The following FAM114A2 variants were observed in gnomAD, a reference collection of about 807,000 sequenced individuals.
The protein encoded by FAM114A2 is protein FAM114A2.
A neutral mutation model predicts 58.4 loss-of-function variants in FAM114A2; 53 were observed. The observed-to-expected ratio is 0.91, with a 90% CI of 0.73 to 1.14. The LOEUF (loss-of-function observed/expected upper bound fraction) is 1.14. FAM114A2 is among the 50% of genes most tolerant of loss of function. FAM114A2 has a pLI of 0.00. For missense variants in FAM114A2, 601 were observed against 581.1 expected (o/e 1.03, Z -0.35); for synonymous variants, 228 against 211.4 (o/e 1.08, Z -0.68).
intron 9 of FAM114A2, among the ~76,000 whole-genome samples, chr5:154,010,721 A>G (rs1202191493): frequency 6.6e-6 from 1 of 152,176 alleles, no homozygotes; most frequent in African/African-American, 2.4e-5. Flanking sequence ...TCCACATTCC[A>G]AATATAAGAA....
chr5:154,013,197 T>G (rs1022200022), intron 8 of FAM114A2, among the ~76,000 whole-genome samples: 4 of 152,100 alleles, frequency 2.6e-5, no homozygotes, highest in African/African-American at 9.7e-5. Flanking sequence ...TGCATTAGAA[T>G]AAAAATGTGT....
intron 8 of FAM114A2, among the ~76,000 whole-genome samples, chr5:154,023,069 AGGT>A (rs1434311015): frequency 6.6e-6 from 1 of 152,044 alleles, no homozygotes; most frequent in Non-Finnish European, 1.5e-5. Flanking sequence ...TCTCACCCAT[AGGT>A]GGGAACTGAA....
At chr5:154,028,517 G>T (rs1465883027) in intron 5 of FAM114A2, among the ~76,000 whole-genome samples, 3 of 152,084 alleles carry the variant, frequency 2.0e-5, no homozygotes, top group East Asian at 1.9e-4. Context: ...TCCACTCATG[G>T]TTACATCCTA....
At chr5:154,035,627 T>C (rs1197736753) in intron 1 of FAM114A2, among the ~76,000 whole-genome samples, 2 of 152,216 alleles carry the variant, frequency 1.3e-5, no homozygotes, top group African/African-American at 2.4e-5. Context: ...GGGACTATTA[T>C]AAATAAAACA....
At position 153,994,930 on chromosome 5, in the gene FAM114A2, C is replaced by T. The variant is rs770489571; in HGVS notation, c.1372G>A (p.Val458Ile). The T allele has an allele frequency of 1.9e-6, 3 of 1,602,488 alleles. No individual in the cohort carries two copies. The highest frequency in any genetic ancestry group is 2.7e-5 in the African/African-American group (2 of 74,648). The change falls in exon 13 of 14, where the codon GTA (valine) becomes ATA (isoleucine). Residue 458 changes from valine to isoleucine, a missense_variant. Val to Ile is a conservative substitution (Grantham distance 29). Transcript: ENST00000351797. ...AAACAATTACTAACCTCTAGAAATA[C>T]TGCAGTGATTAATGGGTTAAGGACA... ...ADVLNPLITA[V>I]FLEASNSASY... is the part of the protein sequence containing the mutation.
intron 4 of FAM114A2, among the ~76,000 whole-genome samples, chr5:154,030,929 A>C (rs1237617658): frequency 6.6e-6 from 1 of 152,174 alleles, no homozygotes; most frequent in African/African-American, 2.4e-5. Context: ...ATTAAGGTGG[A>C]GACTTCGGAA....
In FAM114A2 at chr5:154,034,860, A is replaced by C; in HGVS notation, c.94T>G (p.Ser32Ala). 1 of 1,613,928 alleles carries C rather than the reference A, an allele frequency of 6.2e-7. No individual in the cohort carries two copies. Among genetic ancestry groups the C allele is most frequent in the Non-Finnish European group, 8.5e-7 (1 of 1,179,874 alleles). ...GNCEPAKNSE[S>A]VDQGAKPESK... is the part of the protein sequence containing the mutation. ...TCTGGTTTGGCACCTTGGTCAACAG[A>C]CTCAGAATTCTTGGCTGGCTCACAG... is the stretch of plus-strand genomic sequence containing the variant. The change falls in exon 2 of 14, where the codon TCT (serine) becomes GCT (alanine). Residue 32 changes from serine (S) to alanine (A), a missense_variant. Transcript: ENST00000351797.
In FAM114A2 at chr5:153,992,868, A is replaced by T. The variant is rs1769319138; in HGVS notation, c.*108T>A. 3.0e-6 allele frequency: 3 copies of T among 1,008,012 alleles called. No homozygotes were observed. Among genetic ancestry groups the T allele is most frequent in the Admixed American group, 2.5e-5 (1 of 40,730 alleles). The allele number at this position is 1,008,012 out of a possible 1,614,324, so 62.4% of individuals were successfully genotyped here. A position where few individuals can be genotyped will look rare whatever the true frequency, so the allele number is the denominator to read the frequency against. On this transcript the variant is annotated 3_prime_UTR_variant, in exon 14 of 14. Transcript: ENST00000351797. The stretch of plus-strand genomic sequence containing the variant: ...CTCTTTAAACCATCTCTCCTGCCTG[A>T]ATTTTTATATACTAAAATAACCCCA...
At chr5:154,002,800 T>G in intron 10 of FAM114A2, 47 bp downstream of exon 10, 1 of 1,608,732 alleles carries the variant, frequency 6.2e-7, no homozygotes, top group Middle Eastern at 1.7e-4. Flanking sequence ...TGTGACACAT[T>G]TCAAATCTAC....
At chr5:154,003,063 G>GAACAGGAGCCCTTACTTCTA in intron 9 of FAM114A2, 94 bp from the exon 10 acceptor site, 1 of 1,144,930 alleles carries the variant, frequency 8.7e-7, no homozygotes, top group Non-Finnish European at 1.3e-6. Flanking sequence ...CTAGAAGTAA[G>GAACAGGAGCCCTTACTTCTA]GGCTCCTGTT....
intron 8 of FAM114A2, among the ~76,000 whole-genome samples, chr5:154,011,774 T>C (rs1243402512): frequency 6.6e-6 from 1 of 152,096 alleles, no homozygotes; most frequent in East Asian, 1.9e-4. Context: ...ACATCAAACT[T>C]GAGTACAAGT....
chr5:154,018,153 T>C (rs1483534320), intron 8 of FAM114A2, among the ~76,000 whole-genome samples: 1 of 152,082 alleles, frequency 6.6e-6, no homozygotes, highest in African/African-American at 2.4e-5. Flanking sequence ...ATAAATAGAA[T>C]TGATAGACCA....
At chr5:154,024,076 G>A (rs1771620818) in intron 8 of FAM114A2, among the ~76,000 whole-genome samples, 1 of 152,102 alleles carries the variant, frequency 6.6e-6, no homozygotes. Flanking sequence ...GATATCAGAA[G>A]CCAGCTAACA....
intron 9 of FAM114A2, among the ~76,000 whole-genome samples, chr5:154,008,650 C>G (rs1255254634): frequency 1.3e-5 from 2 of 150,896 alleles, no homozygotes; most frequent in Admixed American, 1.3e-4. Flanking sequence ...GGATTGTACC[C>G]TCAAGATACA....
At chr5:154,030,619 T>C (rs967413401) in intron 4 of FAM114A2, among the ~76,000 whole-genome samples, 3 of 152,116 alleles carry the variant, frequency 2.0e-5, no homozygotes, top group Non-Finnish European at 2.9e-5. Flanking sequence ...TCAGTTTGAG[T>C]GGAAGAAACG....
chr5:154,003,177 G>GCTTTT (rs369892098), intron 9 of FAM114A2, among the ~76,000 whole-genome samples: 4 of 134,878 alleles, frequency 3.0e-5, no homozygotes, highest in Non-Finnish European at 3.2e-5. Flanking sequence ...CTAATTGGTA[G>GCTTTT]TATTTTTTTT....
chr5:154,004,977 A>G (rs966855492), intron 9 of FAM114A2, among the ~76,000 whole-genome samples: 3 of 152,010 alleles, frequency 2.0e-5, no homozygotes, highest in African/African-American at 7.2e-5. Flanking sequence ...ATCATTTTCC[A>G]CTTTATCTTC....
At chr5:154,018,898 G>A (rs965085743) in intron 8 of FAM114A2, among the ~76,000 whole-genome samples, 3 of 152,006 alleles carry the variant, frequency 2.0e-5, no homozygotes, top group African/African-American at 7.3e-5. Context: ...GCATACAAGG[G>A]ACATATACCT....
At chr5:154,030,708 A>G (rs1436254047) in intron 4 of FAM114A2, among the ~76,000 whole-genome samples, 1 of 152,232 alleles carries the variant, frequency 6.6e-6, no homozygotes, top group Non-Finnish European at 1.5e-5. Flanking sequence ...ACATAGCTAA[A>G]AAGTTCTAAG....
Sources: gnomAD v4.1 joint callset for allele counts (sites outside exome capture counted in the v4.1 genomes callset) on GRCh38, gnomAD v4.1.1 for gene constraint, MANE v1.5 for transcripts, NCBI Gene and HGNC (gene_info 2026-07-23, HGNC 2026-07-21) for gene names.